The following FRMD4A variants were observed in gnomAD, a reference collection of about 807,000 sequenced individuals.
FRMD4A encodes the protein FERM domain-containing protein 4A.
FRMD4A carries 29 observed loss-of-function variants against 129.1 expected under a neutral mutation model. The observed-to-expected ratio is 0.22, with a 90% CI of 0.17 to 0.31. The LOEUF is 0.31. Among genes scored for constraint, FRMD4A ranks in the 10% least tolerant of loss-of-function variants. FRMD4A has a pLI of 1.00. For synonymous variants in FRMD4A, 634 were observed against 571.6 expected (o/e 1.11, Z -1.56); for missense variants, 1,272 against 1,375.8 (o/e 0.92, Z 1.19).
At chr10:13,813,427 C>T (rs756527992) in intron 3 of FRMD4A, among the ~76,000 whole-genome samples, 81 of 152,150 alleles carry the variant, frequency 5.3e-4, no homozygotes, top group African/African-American at 9.2e-4. Flanking sequence ...GGCAACAGAG[C>T]GAGACTGTCT....
At chr10:13,749,695 A>G (rs1182638198) in intron 8 of FRMD4A, among the ~76,000 whole-genome samples, 1 of 152,134 alleles carries the variant, frequency 6.6e-6, no homozygotes, top group Non-Finnish European at 1.5e-5. Flanking sequence ...CTGTTGCCCT[A>G]AGAAAGAATG....
intron 2 of FRMD4A, among the ~76,000 whole-genome samples, chr10:13,984,247 C>T (rs532141801): frequency 7.8e-4 from 119 of 152,236 alleles, no homozygotes; most frequent in South Asian, 1.5e-3. Flanking sequence ...GTGTCCAGAG[C>T]CCAGGGGTGA....
intron 2 of FRMD4A, among the ~76,000 whole-genome samples, chr10:13,895,675 A>C (rs2094749189): frequency 6.6e-6 from 1 of 152,226 alleles, no homozygotes; most frequent in South Asian, 2.1e-4. Flanking sequence ...AATGGGATCT[A>C]ATCCAACTAA....
At chr10:13,732,417 C>G (rs2090376892) in intron 12 of FRMD4A, among the ~76,000 whole-genome samples, 1 of 152,118 alleles carries the variant, frequency 6.6e-6, no homozygotes, top group African/African-American at 2.4e-5. Flanking sequence ...CGACGGGTTG[C>G]CAATGCTGTT....
At position 14,076,544 on chromosome 10, in the gene FRMD4A, G is replaced by A. The variant is rs1835616054; in HGVS notation, c.46-217632C>T. ...AGTCCCAGCTACTCGGGAGGCTGAGGCAGGAGAACCGCGTGAACCCGGGAG... is the reference window on the plus strand; with the variant it reads ...AGTCCCAGCTACTCGGGAGGCTGAGACAGGAGAACCGCGTGAACCCGGGAG... On this transcript the variant is annotated intron_variant, in intron 2 of 24. Coordinates refer to ENST00000357447, the MANE Select transcript of FRMD4A (RefSeq NM_018027.5). Among the ~76,000 whole-genome samples the A allele has an allele frequency of 5.3e-5, 8 of 152,222 alleles. No homozygotes were observed. In the South Asian group the frequency reaches 1.7e-3, roughly 32 times the overall value.
Position 13,855,595 on chromosome 10 carries a change from G to T in FRMD4A, c.111+3252C>A, listed in dbSNP as rs1475220804. 2.0e-5 allele frequency among the ~76,000 whole-genome samples: 3 copies of T among 152,192 alleles called. No individual in the cohort carries two copies. In the East Asian group the frequency reaches 5.8e-4, roughly 29 times the overall value. On this transcript the variant is annotated intron_variant, in intron 3 of 24. Coordinates refer to ENST00000357447, the MANE Select transcript of FRMD4A (RefSeq NM_018027.5). ...GCTCCAGGTCAAAAGATCAGGAAAG[G>T]CATTGCTTTGTCTAAGGCTTATTAC...
At chr10:14,115,378 A>G (rs1357609194) in intron 2 of FRMD4A, among the ~76,000 whole-genome samples, 1 of 152,210 alleles carries the variant, frequency 6.6e-6, no homozygotes, top group Non-Finnish European at 1.5e-5. Context: ...TCACAAATAT[A>G]TACGAAAAAT....
chr10:13,963,953 T>C (rs1385692154), intron 2 of FRMD4A, among the ~76,000 whole-genome samples: 2 of 152,116 alleles, frequency 1.3e-5, no homozygotes, highest in East Asian at 3.9e-4. Flanking sequence ...CCATATTTCC[T>C]TTCTAGAAGC....
At chr10:13,770,881 A>G (rs921422027) in intron 6 of FRMD4A, among the ~76,000 whole-genome samples, 2 of 152,012 alleles carry the variant, frequency 1.3e-5, no homozygotes, top group Admixed American at 6.6e-5. Flanking sequence ...CATGCTCTAA[A>G]CCTGCAGATA....
At chr10:14,008,388 C>G (rs1204565808) in intron 2 of FRMD4A, 1 of 1,024,478 alleles carries the variant, frequency 9.8e-7, no homozygotes, top group Admixed American at 4.9e-5. Flanking sequence ...GCAACTTCAG[C>G]GCCCACGAAG....
intron 2 of FRMD4A, among the ~76,000 whole-genome samples, chr10:14,009,906 T>G (rs1328606010): frequency 6.6e-6 from 1 of 152,142 alleles, no homozygotes; most frequent in Non-Finnish European, 1.5e-5. Context: ...TTCTTGCTTC[T>G]TGCCTGCACT....
At chr10:14,142,544 A>T (rs1476887815) in intron 2 of FRMD4A, among the ~76,000 whole-genome samples, 1 of 152,226 alleles carries the variant, frequency 6.6e-6, no homozygotes, top group African/African-American at 2.4e-5. Context: ...GGATTTGAAA[A>T]GTTAGTGTAC....
chr10:14,183,798 T>G (rs10906624), intron 2 of FRMD4A, among the ~76,000 whole-genome samples: 48,771 of 152,084 alleles, frequency 0.32, 7,976 homozygotes, highest in East Asian at 0.43. Context: ...TAAAGCCAAG[T>G]TGGCATTTTG....
chr10:14,025,505 G>A (rs1020846350), intron 2 of FRMD4A, among the ~76,000 whole-genome samples: 3 of 152,104 alleles, frequency 2.0e-5, no homozygotes, highest in Non-Finnish European at 4.4e-5. Context: ...ATCAGACTGT[G>A]GATAACAGCT....
At chr10:13,929,025 C>A (rs995441240) in intron 2 of FRMD4A, among the ~76,000 whole-genome samples, 2 of 152,310 alleles carry the variant, frequency 1.3e-5, no homozygotes, top group Admixed American at 1.3e-4. Flanking sequence ...ACGCTTGGCA[C>A]CCTTTTCTTT....
intron 15 of FRMD4A, among the ~76,000 whole-genome samples, chr10:13,681,578 G>GTATA (rs376558569): frequency 4.6e-5 from 7 of 151,228 alleles, no homozygotes; most frequent in African/African-American, 1.7e-4. Context: ...ATGTATATGT[G>GTATA]TATATATATA....
intron 2 of FRMD4A, among the ~76,000 whole-genome samples, chr10:13,906,061 T>C (rs2094879228): frequency 6.6e-6 from 1 of 152,196 alleles, no homozygotes; most frequent in Non-Finnish European, 1.5e-5. Context: ...TGATGAGGCA[T>C]AGGCTGAGCC....
chr10:13,925,062 T>TA (rs57484737), intron 2 of FRMD4A, among the ~76,000 whole-genome samples: 2,431 of 103,186 alleles, frequency 0.024, 116 homozygotes, highest in African/African-American at 0.083. Context: ...AGACTCCGTG[T>TA]AAAAAAAAAA....
intron 24 of FRMD4A, chr10:13,648,213 AC>A (rs763835135): frequency 3.3e-5 from 5 of 152,238 alleles, no homozygotes; most frequent in Admixed American, 6.5e-5. Flanking sequence ...CCAGAAATAA[AC>A]CAGCTTCAGA....
Sources: gnomAD v4.1 joint callset for allele counts (sites outside exome capture counted in the v4.1 genomes callset) on GRCh38, gnomAD v4.1.1 for gene constraint, MANE v1.5 for transcripts, NCBI Gene and HGNC (gene_info 2026-07-23, HGNC 2026-07-21) for gene names.